FAM53A: variants seen among roughly 807,000 people sequenced by gnomAD.
The protein encoded by FAM53A is family with sequence similarity 53 member A, also known as protein FAM53A.
Under a neutral mutation model 26.6 loss-of-function variants are expected in FAM53A, and 28 were observed. The observed-to-expected ratio is 1.05, with a 90% CI of 0.78 to 1.45. The LOEUF (loss-of-function observed/expected upper bound fraction) is 1.45, where lower values mean the gene tolerates loss of function less well. Among genes scored for constraint, FAM53A ranks in the 40% most tolerant of loss-of-function variants. The pLI is 0.00. For synonymous variants in FAM53A, 290 were observed against 253.1 expected (o/e 1.15, Z -1.38); for missense variants, 650 against 575.8 (o/e 1.13, Z -1.32).
the FAM53A span, among the ~76,000 whole-genome samples, chr4:1,593,432 C>T: frequency 6.6e-6 from 1 of 152,232 alleles, no homozygotes. Flanking sequence ...CGCCCCAACC[C>T]GGCTCCCCCC....
At chr4:1,684,603 G>T (rs1016295248), upstream of FAM53A, among the ~76,000 whole-genome samples, 2 of 151,812 alleles carry the variant, frequency 1.3e-5, no homozygotes, top group African/African-American at 4.8e-5. Context: ...TAGAAGGCAA[G>T]ACCTGTGGCG....
chr4:1,581,501 TTC>T, the FAM53A span, among the ~76,000 whole-genome samples: 1 of 152,264 alleles, frequency 6.6e-6, no homozygotes, highest in South Asian at 2.1e-4. Flanking sequence ...GAATTTTCTC[TTC>T]CTCGTGGTCC....
At chr4:1,619,952 G>A (rs1209004825) in intron 1 of FAM53A, among the ~76,000 whole-genome samples, 1 of 152,194 alleles carries the variant, frequency 6.6e-6, no homozygotes, top group Non-Finnish European at 1.5e-5. Flanking sequence ...GCTCACGCCT[G>A]TAATCCCAGC....
rs1560118161 is a variant in FAM53A at position 1,630,435 on chromosome 4, T to C, written c.432-12324A>G. 6.6e-6 allele frequency among the ~76,000 whole-genome samples: 1 copy of C among 152,208 alleles called. No homozygotes were observed. Among genetic ancestry groups the C allele is most frequent in the Non-Finnish European group, 1.5e-5 (1 of 68,040 alleles). On this transcript the variant is annotated intron_variant, in intron 1 of 1. Coordinates refer to the FAM53A transcript ENST00000489029. The surrounding 1 kb of genome is among the most constrained non-coding windows in gnomAD (Gnocchi z 4.3). ...AAACTCTACGGAAACAGGCCGCGTCTGTATGTGGCCAGTGGGCCGCGGTTT... is the reference window on the plus strand; with the variant it reads ...AAACTCTACGGAAACAGGCCGCGTCCGTATGTGGCCAGTGGGCCGCGGTTT...
chr4:1,647,150 C>T (rs1478451183), intron 4 of FAM53A, among the ~76,000 whole-genome samples: 1 of 150,682 alleles, frequency 6.6e-6, no homozygotes, highest in African/African-American at 2.4e-5. Context: ...GCATGGCCAA[C>T]ATAGTGAAAC....
chr4:1,658,836 TTCC>T (rs749540489), intron 2 of FAM53A, among the ~76,000 whole-genome samples: 2 of 152,204 alleles, frequency 1.3e-5, no homozygotes, highest in Non-Finnish European at 2.9e-5. Context: ...CTCCCAGAGC[TTCC>T]TCGTCTGTGA....
upstream of FAM53A, among the ~76,000 whole-genome samples, chr4:1,685,124 G>C (rs1165410398): frequency 2.0e-5 from 3 of 152,192 alleles, no homozygotes; most frequent in Admixed American, 1.3e-4. Flanking sequence ...CCCAGGGCGG[G>C]CCTCTGACGG....
intron 4 of FAM53A, among the ~76,000 whole-genome samples, chr4:1,645,917 C>G (rs76997415): frequency 1.3e-5 from 2 of 152,118 alleles, no homozygotes; most frequent in African/African-American, 4.8e-5. Flanking sequence ...TCAGGTCCTG[C>G]GGGCCTGCAC....
At chr4:1,634,906 A>AT (rs1553801374), downstream of FAM53A, among the ~76,000 whole-genome samples, 30 of 152,126 alleles carry the variant, frequency 2.0e-4, no homozygotes, top group African/African-American at 5.8e-4. Flanking sequence ...GTCTCAAAAA[A>AT]AAAAAAATAA....
intron 4 of FAM53A, among the ~76,000 whole-genome samples, chr4:1,645,949 G>A (rs1483327997): frequency 6.6e-6 from 1 of 152,136 alleles, no homozygotes; most frequent in African/African-American, 2.4e-5. Flanking sequence ...GCCTCATAAA[G>A]GGCTGGAGGG....
chr4:1,593,307 G>T, the FAM53A span, among the ~76,000 whole-genome samples: 1 of 152,128 alleles, frequency 6.6e-6, no homozygotes, highest in Non-Finnish European at 1.5e-5. Context: ...GGCGCGGCAG[G>T]TGCGCTCAGC....
upstream of FAM53A, among the ~76,000 whole-genome samples, chr4:1,685,738 C>T (rs1329430117): frequency 2.6e-5 from 4 of 152,108 alleles, no homozygotes; most frequent in South Asian, 2.1e-4. Context: ...CGCTGGGGTC[C>T]GGTAATCCCC....
chr4:1,622,094 T>C (rs1391360832), intron 1 of FAM53A, among the ~76,000 whole-genome samples: 1 of 152,182 alleles, frequency 6.6e-6, no homozygotes, highest in Non-Finnish European at 1.5e-5. Context: ...ACCCTCCAGA[T>C]GCGGCTGCGC....
chr4:1,605,555 T>C, the FAM53A span, among the ~76,000 whole-genome samples: 2 of 152,160 alleles, frequency 1.3e-5, no homozygotes, highest in East Asian at 3.9e-4. The surrounding 1 kb of genome is among the most constrained non-coding windows in gnomAD (Gnocchi z 5.7). Flanking sequence ...AAGCGTGTTC[T>C]GCCACAGCCG....
chr4:1,638,287 T>TCG (rs549424098), downstream of FAM53A, among the ~76,000 whole-genome samples: 645 of 151,948 alleles, frequency 4.2e-3, 4 homozygotes, highest in Middle Eastern at 0.021. Flanking sequence ...GTGAGCTCAC[T>TCG]CGCACACACA....
At chr4:1,639,194 C>T (rs1715984766), downstream of FAM53A, among the ~76,000 whole-genome samples, 1 of 152,110 alleles carries the variant, frequency 6.6e-6, no homozygotes, top group South Asian at 2.1e-4. Context: ...GGCCGGTGCC[C>T]TGGAGGCCAC....
chr4:1,617,373 G>C (rs1714848158), downstream of FAM53A, among the ~76,000 whole-genome samples: 1 of 152,106 alleles, frequency 6.6e-6, no homozygotes, highest in Admixed American at 6.5e-5. Flanking sequence ...ACTTATACGT[G>C]GCTCATGACA....
At chr4:1,595,922 C>G in the FAM53A span, among the ~76,000 whole-genome samples, 1 of 152,186 alleles carries the variant, frequency 6.6e-6, no homozygotes, top group Non-Finnish European at 1.5e-5. Flanking sequence ...AGTGATGGTC[C>G]ACAGGACCGG....
chr4:1,673,185 C>T (rs1360901289), intron 1 of FAM53A, among the ~76,000 whole-genome samples: 3 of 152,180 alleles, frequency 2.0e-5, no homozygotes, highest in African/African-American at 4.8e-5. Flanking sequence ...AAGAGCTCGA[C>T]GAGGCCCTGC....
Sources: allele counts gnomAD v4.1 joint callset (sites outside exome capture counted in the v4.1 genomes callset), GRCh38; gene constraint gnomAD v4.1.1; non-coding constraint Gnocchi (gnomAD v3.1); transcripts MANE v1.5; gene names NCBI Gene and HGNC (gene_info 2026-07-23, HGNC 2026-07-21).